Variants in MET observed in about 807,000 individuals in gnomAD.
MET encodes hepatocyte growth factor receptor.
A neutral mutation model predicts 133.1 loss-of-function variants in MET; 48 were observed. The observed-to-expected ratio is 0.36, with a 90% CI of 0.29 to 0.46. The LOEUF (loss-of-function observed/expected upper bound fraction) is 0.46, where lower values mean the gene tolerates loss of function less well. Among genes scored for constraint, MET ranks in the 20% least tolerant of loss-of-function variants. The pLI is 1.00. For synonymous variants in MET, 628 were observed against 616.5 expected (o/e 1.02, Z -0.28); for missense variants, 1,442 against 1,695.9 (o/e 0.85, Z 2.63).
chr7:116,770,052 G>T, intron 12 of MET: 1 of 526,972 alleles, frequency 1.9e-6, no homozygotes, highest in Non-Finnish European at 3.4e-6. Flanking sequence ...AAAATTTGCT[G>T]TAATTCTCAG....
intron 2 of MET, among the ~76,000 whole-genome samples, chr7:116,728,303 T>TG (rs372355977): frequency 1.5e-3 from 227 of 151,924 alleles, no homozygotes; most frequent in African/African-American, 2.6e-3. Flanking sequence ...TTTTATTTGA[T>TG]GGGGGGGGCA....
chr7:116,700,386 T>G, intron 2 of MET, 102 bp downstream of exon 2: 10 of 1,359,106 alleles, frequency 7.4e-6, no homozygotes, highest in Non-Finnish European at 8.8e-6. Context: ...GCTTTGTAAA[T>G]GGTGTTTATC....
chr7:116,690,576 G>A (rs1796748402), intron 1 of MET, among the ~76,000 whole-genome samples: 1 of 152,168 alleles, frequency 6.6e-6, no homozygotes, highest in African/African-American at 2.4e-5. Flanking sequence ...TTTTTGACAT[G>A]GCCTATTGTT....
intron 16 of MET, 109 bp from the exon 17 acceptor site, chr7:116,778,667 A>T: frequency 8.6e-7 from 1 of 1,157,420 alleles, no homozygotes; most frequent in Non-Finnish European, 1.3e-6. Flanking sequence ...CCCTCAGGAC[A>T]AGATGCTAAC....
At chr7:116,765,946 T>G (rs1357701027) in intron 11 of MET, among the ~76,000 whole-genome samples, 1 of 152,200 alleles carries the variant, frequency 6.6e-6, no homozygotes. Context: ...TTTGGTCTTC[T>G]GTCACTGCAT....
chr7:116,747,974 A>G lies in MET; in HGVS notation c.1701+6949A>G, dbSNP rs1562914910. On this transcript the variant is annotated intron_variant, in intron 5 of 20. Transcript: ENST00000397752. ...AAGAAACTCACTTAAGGCCGGGTGC[A>G]GTGGCTTACGCCTGTAATCCCAGCA... Among the ~76,000 whole-genome samples the G allele has an allele frequency of 3.9e-5, 6 of 152,368 alleles. 1 individual carries two copies. The highest frequency in any genetic ancestry group is 3.9e-4 in the Admixed American group (6 of 15,304).
chr7:116,683,996 A>G (rs1410251305), intron 1 of MET, among the ~76,000 whole-genome samples: 1 of 152,134 alleles, frequency 6.6e-6, no homozygotes, highest in South Asian at 2.1e-4. Flanking sequence ...GCTCTCTCTC[A>G]CTTCCTCTTT....
rs183788694 is a variant in MET, at chr7:116,744,784, C to T, written c.1701+3759C>T. Among the ~76,000 whole-genome samples, 8 of 152,130 alleles carry T rather than the reference C, an allele frequency of 5.3e-5. No homozygotes were observed. In the East Asian group the frequency reaches 7.7e-4, roughly 15 times the overall value. ...TGAAGGAAAAAATGTTAAGGGCAGC[C>T]GGAGAGAAAAGTCGGGTTACCCACA... On this transcript the variant is annotated intron_variant, in intron 5 of 20. Transcript: ENST00000397752.
chr7:116,774,881 A>T lies in MET; in HGVS notation c.3029A>T (p.Asp1010Val), dbSNP rs2117029391. 6.2e-7 allele frequency: 1 copy of T among 1,613,410 alleles called. No homozygotes were observed. The highest frequency in any genetic ancestry group is 1.3e-5 in the African/African-American group (1 of 75,016). ...TTAATAATTTTCCTTCATCTTACAG[A>T]TCAGTTTCCTAATTCATCTCAGAAC... is the stretch of plus-strand genomic sequence containing the variant. The part of the protein sequence containing the change: ...SVDYRATFPE[D>V]QFPNSSQNGS... The change falls in exon 15 of 21, where the codon GAT (aspartate) becomes GTT (valine). Residue 1010 changes from aspartate to valine, a missense_variant and splice_region_variant. Asp to Val is a radical substitution (Grantham distance 152). This residue lies in a region of MET where 514 missense variants were observed against 659.6 expected (regional missense o/e 0.78). Transcript: ENST00000397752.
chr7:116,674,317 C>A (rs912835653), intron 1 of MET, among the ~76,000 whole-genome samples: 9 of 151,982 alleles, frequency 5.9e-5, no homozygotes, highest in African/African-American at 2.2e-4. Flanking sequence ...TACTTTTAAA[C>A]CTATAATAGA....
intron 5 of MET, among the ~76,000 whole-genome samples, chr7:116,746,007 G>T (rs1437284090): frequency 6.6e-6 from 1 of 152,150 alleles, no homozygotes; most frequent in Non-Finnish European, 1.5e-5. Context: ...TACAGAATGG[G>T]AGAAAATTTT....
rs552207024 is a variant in MET at position 116,763,495 on chromosome 7, C to T, written c.2583+227C>T. Among the ~76,000 whole-genome samples, 4 of 152,278 alleles carry T rather than the reference C, an allele frequency of 2.6e-5. No individual in the cohort carries two copies. The South Asian group carries it at 6.2e-4, about 24-fold the overall frequency. On this transcript the variant is annotated intron_variant, in intron 11 of 20. Coordinates refer to ENST00000397752, the MANE Select transcript of MET (RefSeq NM_000245.4). ...ACCCTTTCTTGTGTATGTATTAAAA[C>T]GTAGCAAATGTGGGACACAAATTAT...
At chr7:116,787,139 A>G (rs138907870) in intron 19 of MET, among the ~76,000 whole-genome samples, 89 of 152,286 alleles carry the variant, frequency 5.8e-4, no homozygotes, top group Non-Finnish European at 1.1e-3. Context: ...TGTAGAGCTT[A>G]ATGCCTGGGA....
Position 116,719,702 on chromosome 7 carries a change from C to A in MET, c.1201-11966C>A, listed in dbSNP as rs1271095289. Among the ~76,000 whole-genome samples, 359 of 152,130 alleles carry A rather than the reference C, an allele frequency of 2.4e-3. 6 individuals carry two copies. Among genetic ancestry groups the A allele is most frequent in the East Asian group, 0.015 (79 of 5,178 alleles). On this transcript the variant is annotated intron_variant, in intron 2 of 20. Transcript: ENST00000397752. ...GGAAGGGATCCAGTTTCAGCTTTCT[C>A]CATATGGCTAGCCAGTTTTCCCAGC...
chr7:116,697,920 G>A (rs764729191), intron 1 of MET, among the ~76,000 whole-genome samples: 15 of 152,122 alleles, frequency 9.9e-5, no homozygotes, highest in Non-Finnish European at 1.6e-4. Context: ...TGAAGGGCAG[G>A]GGCTATGTCC....
At chr7:116,718,643 T>A (rs1186617133) in intron 2 of MET, among the ~76,000 whole-genome samples, 1 of 71,474 alleles carries the variant, frequency 1.4e-5, no homozygotes. Context: ...CCCTCCCCCC[T>A]CCCCCCACCC....
At position 116,739,979 on chromosome 7, in the gene MET, C is replaced by G. The variant is rs1793379901; in HGVS notation, c.1422C>G (p.Thr474=). 1 of 1,613,986 alleles carries G rather than the reference C, an allele frequency of 6.2e-7. No individual in the cohort carries two copies. The highest frequency in any genetic ancestry group is 8.5e-7 in the Non-Finnish European group (1 of 1,179,968). ...QVVVSRSGPS[T]PHVNFLLDSH... is the part of the protein sequence containing the mutation. ...TGGTTTCTCGATCAGGACCATCAAC[C>G]CCTCATGTGAATTTTCTCCTGGACT... Residue 474 remains threonine (T), a synonymous_variant, in exon 4 of 21, where the codon ACC becomes ACG. Transcript: ENST00000397752.
intron 2 of MET, among the ~76,000 whole-genome samples, chr7:116,708,061 C>A (rs959825983): frequency 2.0e-5 from 3 of 152,078 alleles, no homozygotes. Context: ...GATAGTATTA[C>A]AATGGAGAAT....
At chr7:116,738,817 G>C (rs993855215) in intron 3 of MET, among the ~76,000 whole-genome samples, 8 of 152,186 alleles carry the variant, frequency 5.3e-5, no homozygotes, top group African/African-American at 1.9e-4. Flanking sequence ...GTTTGTTAGA[G>C]TACAAAGCAG....
Sources: gnomAD v4.1 joint callset for allele counts (sites outside exome capture counted in the v4.1 genomes callset) on GRCh38, gnomAD v4.1.1 for gene constraint, gnomAD v4.1.1 regional missense constraint, MANE v1.5 for transcripts, NCBI Gene and HGNC (gene_info 2026-07-23, HGNC 2026-07-21) for gene names.